SNX29: variants seen among roughly 807,000 people sequenced by gnomAD.
SNX29 encodes the protein sorting nexin 29.
A neutral mutation model predicts 102.1 loss-of-function variants in SNX29; 78 were observed. That is an observed-to-expected ratio of 0.76 (90% CI 0.64 to 0.92). The LOEUF (loss-of-function observed/expected upper bound fraction) is 0.92. Ranked by LOEUF, SNX29 falls within the 40% of genes least tolerant of loss-of-function variation. SNX29 has a pLI of 0.00. For synonymous variants in SNX29, 580 were observed against 414.5 expected (o/e 1.40, Z -4.85); for missense variants, 1,280 against 1,061.7 (o/e 1.21, Z -2.86).
chr16:12,139,302 G>C (rs192597279), intron 13 of SNX29, among the ~76,000 whole-genome samples: 172 of 151,314 alleles, frequency 1.1e-3, no homozygotes, highest in Middle Eastern at 3.5e-3. Flanking sequence ...CATGGGAGTA[G>C]GTATTCCTGA....
chr16:12,382,541 C>T (rs192510823), intron 16 of SNX29, among the ~76,000 whole-genome samples: 11 of 152,330 alleles, frequency 7.2e-5, no homozygotes, highest in Non-Finnish European at 1.3e-4. Context: ...AAATGCGTAA[C>T]GCAGGGCCTG....
chr16:12,115,420 C>T (rs1388135965), intron 11 of SNX29, among the ~76,000 whole-genome samples: 1 of 151,600 alleles, frequency 6.6e-6, no homozygotes, highest in African/African-American at 2.4e-5. Context: ...CAGAGAAATT[C>T]AGGGGAGTTT....
intron 20 of SNX29, chr16:12,556,336 A>C (rs1037229511): frequency 1.2e-4 from 18 of 152,340 alleles, no homozygotes; most frequent in African/African-American, 3.4e-4. Context: ...AGGACAGACC[A>C]CTTGGACTTC....
At chr16:12,541,506 C>A (rs370660192) in intron 20 of SNX29, among the ~76,000 whole-genome samples, 106 of 152,216 alleles carry the variant, frequency 7.0e-4, no homozygotes, top group African/African-American at 2.2e-3. Context: ...TGATCTGAGT[C>A]CCAAGTCATA....
At chr16:12,005,046 A>G (rs944674502) in intron 3 of SNX29, among the ~76,000 whole-genome samples, 4 of 152,204 alleles carry the variant, frequency 2.6e-5, no homozygotes, top group African/African-American at 9.6e-5. Flanking sequence ...GTAGTCAAGC[A>G]TTTAAATATG....
intron 16 of SNX29, among the ~76,000 whole-genome samples, chr16:12,358,562 T>G (rs1358109768): frequency 1.3e-5 from 2 of 152,190 alleles, no homozygotes; most frequent in African/African-American, 2.4e-5. Context: ...AAGGCAGGAC[T>G]CTAATCTTCC....
intron 13 of SNX29, among the ~76,000 whole-genome samples, chr16:12,181,783 C>G (rs1332923998): frequency 6.6e-6 from 1 of 152,010 alleles, no homozygotes; most frequent in Non-Finnish European, 1.5e-5. Flanking sequence ...ACCATGTAGG[C>G]CTTGTGGCTG....
intron 14 of SNX29, among the ~76,000 whole-genome samples, chr16:12,257,274 T>C (rs2078601860): frequency 2.0e-5 from 3 of 152,198 alleles, no homozygotes; most frequent in Admixed American, 2.0e-4. Flanking sequence ...TTCTCCTCTG[T>C]GGTTGTCTTC....
At position 12,463,811 on chromosome 16, in the gene SNX29, G is replaced by A. The variant is rs191893083; in HGVS notation, c.2038-13908G>A. ...CAGATTAACATATCCACCACCTCCCGAAGTGAGTGTGTGTGTGTGTGTGTG... is the reference window on the plus strand; with the variant it reads ...CAGATTAACATATCCACCACCTCCCAAAGTGAGTGTGTGTGTGTGTGTGTG... On this transcript the variant is annotated intron_variant, in intron 18 of 20. Coordinates refer to ENST00000566228, the MANE Select transcript of SNX29 (RefSeq NM_032167.5). 4.3e-3 allele frequency among the ~76,000 whole-genome samples: 561 copies of A among 131,174 alleles called. 1 individual carries two copies. Among genetic ancestry groups the A allele is most frequent in the African/African-American group, 6.9e-3 (250 of 36,320 alleles). The allele number at this position is 131,174 out of a possible 152,430, so 86.1% of individuals were successfully genotyped here.
intron 20 of SNX29, among the ~76,000 whole-genome samples, chr16:12,560,248 C>T (rs1346295049): frequency 1.3e-5 from 2 of 151,180 alleles, no homozygotes; most frequent in Non-Finnish European, 2.9e-5. Context: ...AAGCCTGAAG[C>T]TTAAAAATAT....
intron 11 of SNX29, among the ~76,000 whole-genome samples, chr16:12,124,757 C>T (rs1417141827): frequency 6.6e-6 from 1 of 152,154 alleles, no homozygotes; most frequent in Non-Finnish European, 1.5e-5. Flanking sequence ...TATCTTAGAT[C>T]AGTTTCCATT....
At chr16:12,547,258 C>T (rs1641895) in intron 20 of SNX29, among the ~76,000 whole-genome samples, 1,539 of 152,286 alleles carry the variant, frequency 0.01, 9 homozygotes, top group Non-Finnish European at 0.017. Flanking sequence ...GTGCAAAGGT[C>T]CTGCAGCCTT....
At chr16:12,178,179 G>T (rs953229983) in intron 13 of SNX29, among the ~76,000 whole-genome samples, 1 of 152,170 alleles carries the variant, frequency 6.6e-6, no homozygotes, top group South Asian at 2.1e-4. Flanking sequence ...GGGACAAGAC[G>T]CACAGGGACC....
At chr16:12,425,496 T>C (rs922301878) in intron 18 of SNX29, among the ~76,000 whole-genome samples, 1 of 146,330 alleles carries the variant, frequency 6.8e-6, no homozygotes. Context: ...TGATTCAGTT[T>C]GGTCAAGTCC....
intron 16 of SNX29, among the ~76,000 whole-genome samples, chr16:12,378,898 G>A (rs1235482544): frequency 6.6e-6 from 1 of 152,156 alleles, no homozygotes; most frequent in Non-Finnish European, 1.5e-5. Context: ...CTCTGCCCAG[G>A]GTTGCCAGCA....
At chr16:12,132,944 C>G (rs904877417) in intron 13 of SNX29, among the ~76,000 whole-genome samples, 1 of 152,242 alleles carries the variant, frequency 6.6e-6, no homozygotes, top group Non-Finnish European at 1.5e-5. Flanking sequence ...TTTCTTCTTG[C>G]TTCTGGCCAG....
At chr16:12,100,174 A>C (rs1162138540) in intron 11 of SNX29, among the ~76,000 whole-genome samples, 1 of 151,988 alleles carries the variant, frequency 6.6e-6, no homozygotes, top group Non-Finnish European at 1.5e-5. Flanking sequence ...TCATTCACCA[A>C]ATGTTTACAA....
intron 14 of SNX29, among the ~76,000 whole-genome samples, chr16:12,217,513 A>G (rs1213908019): frequency 6.6e-6 from 1 of 152,216 alleles, no homozygotes; most frequent in African/African-American, 2.4e-5. Flanking sequence ...GTAGACAGGT[A>G]GTACAGGTAG....
rs115193548 is a variant in SNX29, at chr16:12,329,925, C to T, written c.1783-26238C>T. ...CAGTTATTTATACCCTGTCTTGTTC[C>T]AAAAGGCATTTGAGTGGCATATCTT... On this transcript the variant is annotated intron_variant, in intron 15 of 20. Transcript: ENST00000566228. 8.1e-3 allele frequency among the ~76,000 whole-genome samples: 1,227 copies of T among 152,242 alleles called. 20 individuals carry two copies. Among genetic ancestry groups the T allele is most frequent in the African/African-American group, 0.027 (1,125 of 41,556 alleles).
Sources: gnomAD v4.1 joint callset for allele counts (sites outside exome capture counted in the v4.1 genomes callset) on GRCh38, gnomAD v4.1.1 for gene constraint, MANE v1.5 for transcripts, NCBI Gene and HGNC (gene_info 2026-07-23, HGNC 2026-07-21) for gene names.